The following FHIT variants were observed in gnomAD, a reference collection of about 807,000 sequenced individuals.
FHIT encodes fragile histidine triad diadenosine triphosphatase, also known as bis(5'-adenosyl)-triphosphatase.
A neutral mutation model predicts 17.9 loss-of-function variants in FHIT; 19 were observed. The observed-to-expected ratio is 1.06, with a 90% CI of 0.74 to 1.56. The LOEUF is 1.56. Among genes scored for constraint, FHIT ranks in the 40% most tolerant of loss-of-function variants. The pLI is 0.00. For synonymous variants in FHIT, 81 were observed against 69.7 expected, an observed-to-expected ratio of 1.16 and a Z score of -0.81; for missense variants, 248 against 189.2, an observed-to-expected ratio of 1.31 and a Z score of -1.82.
chr3:60,591,601 G>GTAC (rs2107696495), intron 4 of FHIT, among the ~76,000 whole-genome samples: 1 of 152,048 alleles, frequency 6.6e-6, no homozygotes, highest in African/African-American at 2.4e-5. Context: ...CAAAATCCAG[G>GTAC]TACATTCATC....
At chr3:60,726,026 A>C (rs190865712) in intron 4 of FHIT, among the ~76,000 whole-genome samples, 1 of 152,330 alleles carries the variant, frequency 6.6e-6, no homozygotes, top group Admixed American at 6.5e-5. Context: ...AGGTCAAGTA[A>C]TGTCGGATAG....
At chr3:60,643,697 T>C (rs1402658383) in intron 4 of FHIT, among the ~76,000 whole-genome samples, 1 of 152,196 alleles carries the variant, frequency 6.6e-6, no homozygotes. Context: ...CACCTTAGGG[T>C]TGCAGTATAC....
intron 2 of FHIT, among the ~76,000 whole-genome samples, chr3:61,196,649 G>C (rs1361620177): frequency 6.6e-6 from 1 of 152,108 alleles, no homozygotes; most frequent in Non-Finnish European, 1.5e-5. Context: ...GGTGAAGGCA[G>C]GGTTAAGGGA....
chr3:60,963,525 G>T (rs1410077914), intron 3 of FHIT, among the ~76,000 whole-genome samples: 1 of 152,126 alleles, frequency 6.6e-6, no homozygotes, highest in Non-Finnish European at 1.5e-5. Context: ...TGATGTTAGG[G>T]TGTCAATTTT....
At chr3:60,982,444 G>A (rs986609470) in intron 3 of FHIT, among the ~76,000 whole-genome samples, 8 of 152,240 alleles carry the variant, frequency 5.3e-5, no homozygotes, top group African/African-American at 7.2e-5. Flanking sequence ...GAGATACAAC[G>A]TATACAGTGC....
intron 8 of FHIT, among the ~76,000 whole-genome samples, chr3:59,896,721 C>A (rs1034607322): frequency 2.0e-5 from 3 of 152,102 alleles, no homozygotes; most frequent in African/African-American, 7.2e-5. Context: ...ACCAGCATGG[C>A]ATGAAAATAA....
Position 60,345,087 on chromosome 3 carries a change from C to G in FHIT, c.103+191773G>C, listed in dbSNP as rs548919975. On this transcript the variant is annotated intron_variant, in intron 5 of 9. Coordinates refer to ENST00000492590, the MANE Select transcript of FHIT (RefSeq NM_002012.4). Reference sequence around the variant, plus strand: ...TTTAAGATTAGGAACATCCTAATCCCTTTTCCCCATACTTCACAAATTTTA... The same window carrying G: ...TTTAAGATTAGGAACATCCTAATCCGTTTTCCCCATACTTCACAAATTTTA... Among the ~76,000 whole-genome samples the G allele has an allele frequency of 6.6e-5, 10 of 152,242 alleles. No homozygotes were observed. The South Asian group carries it at 1.0e-3, about 16-fold the overall frequency.
At chr3:60,268,305 C>A (rs943931340) in intron 5 of FHIT, among the ~76,000 whole-genome samples, 1 of 152,192 alleles carries the variant, frequency 6.6e-6, no homozygotes, top group Non-Finnish European at 1.5e-5. Context: ...ATTTTCACTT[C>A]TCATTCTCAG....
At chr3:59,892,019 C>T (rs777880971) in intron 8 of FHIT, among the ~76,000 whole-genome samples, 199 of 152,266 alleles carry the variant, frequency 1.3e-3, no homozygotes, top group Non-Finnish European at 2.4e-3. Context: ...AGATGCCATT[C>T]GACAATGATT....
intron 5 of FHIT, among the ~76,000 whole-genome samples, chr3:60,225,658 G>A (rs1404598623): frequency 6.6e-6 from 1 of 152,148 alleles, no homozygotes; most frequent in Non-Finnish European, 1.5e-5. Context: ...CTTCTCAACA[G>A]GCTGTTCTGT....
chr3:61,034,897 C>T (rs548467759), intron 3 of FHIT, among the ~76,000 whole-genome samples: 5 of 152,246 alleles, frequency 3.3e-5, no homozygotes, highest in East Asian at 1.9e-4. Context: ...TCCATCAACA[C>T]CCATCAATGA....
chr3:59,789,840 C>G (rs1699475208), intron 8 of FHIT, among the ~76,000 whole-genome samples: 1 of 152,268 alleles, frequency 6.6e-6, no homozygotes, highest in South Asian at 2.1e-4. Context: ...ATTTTATGAG[C>G]TACCTGGGAA....
intron 4 of FHIT, among the ~76,000 whole-genome samples, chr3:60,555,176 G>A (rs2036701397): frequency 6.6e-6 from 1 of 152,170 alleles, no homozygotes; most frequent in South Asian, 2.1e-4. Flanking sequence ...TCAAGGCCTT[G>A]AATCCAAAGC....
At position 60,525,741 on chromosome 3, in the gene FHIT, T is replaced by C. The variant is rs970132523; in HGVS notation, c.103+11119A>G. On this transcript the variant is annotated intron_variant, in intron 5 of 9. Coordinates refer to ENST00000492590, the MANE Select transcript of FHIT (RefSeq NM_002012.4). ...TATTACTTAGAGCTCTCTACAAGTG[T>C]TCCCCCATAGTGAGGCTAAGCTATG... is the stretch of plus-strand genomic sequence containing the variant. 2.0e-5 allele frequency among the ~76,000 whole-genome samples: 3 copies of C among 152,216 alleles called. No individual in the cohort carries two copies. In the East Asian group the frequency reaches 5.8e-4, roughly 29 times the overall value.
intron 5 of FHIT, among the ~76,000 whole-genome samples, chr3:60,464,328 T>C (rs959942778): frequency 6.6e-6 from 1 of 152,132 alleles, no homozygotes; most frequent in Non-Finnish European, 1.5e-5. Context: ...GTAAATGGGA[T>C]ATACATCATC....
intron 5 of FHIT, among the ~76,000 whole-genome samples, chr3:60,195,593 A>T (rs1385302254): frequency 7.6e-6 from 1 of 131,556 alleles, no homozygotes; most frequent in African/African-American, 2.6e-5. Context: ...ATATTTATAT[A>T]TAATTATATA....
At chr3:59,865,161 A>G (rs1345294333) in intron 8 of FHIT, among the ~76,000 whole-genome samples, 1 of 152,254 alleles carries the variant, frequency 6.6e-6, no homozygotes, top group African/African-American at 2.4e-5. Context: ...AAGAAATGAC[A>G]TTTTCTAAAC....
intron 5 of FHIT, among the ~76,000 whole-genome samples, chr3:60,424,210 G>A (rs1702579800): frequency 6.6e-6 from 1 of 152,098 alleles, no homozygotes; most frequent in African/African-American, 2.4e-5. Flanking sequence ...TTGGCCCAAA[G>A]TTACACAGCT....
chr3:59,827,509 T>C (rs1701017892), intron 8 of FHIT, among the ~76,000 whole-genome samples: 2 of 152,356 alleles, frequency 1.3e-5, no homozygotes, highest in Admixed American at 6.5e-5. Context: ...GAATGTATAC[T>C]AATATTCAGA....
Sources: gnomAD v4.1 joint callset for allele counts (sites outside exome capture counted in the v4.1 genomes callset) on GRCh38, gnomAD v4.1.1 for gene constraint, MANE v1.5 for transcripts, NCBI Gene and HGNC (gene_info 2026-07-23, HGNC 2026-07-21) for gene names.